The following PLEKHA8 variants were observed in gnomAD, a reference collection of about 807,000 sequenced individuals.
PLEKHA8 encodes the protein pleckstrin homology domain containing A8.
A neutral mutation model predicts 68.2 loss-of-function variants in PLEKHA8; 36 were observed. The ratio of observed to expected loss-of-function variants is 0.53; its 90% confidence interval spans 0.40 to 0.70. PLEKHA8 has a LOEUF of 0.70. Among genes scored for constraint, PLEKHA8 ranks in the 30% least tolerant of loss-of-function variants. The pLI is 0.00. For synonymous variants in PLEKHA8, 211 were observed against 216.1 expected (o/e 0.98, Z 0.20); for missense variants, 505 against 615.4 (o/e 0.82, Z 1.90).
rs768401517 is a variant in PLEKHA8, at chr7:30,061,985, A to G, written c.1187A>G (p.Gln396Arg). The change falls in exon 11 of 14, where the codon CAG becomes CGG. Residue 396 changes from glutamine to arginine, a missense_variant. Gln to Arg is a conservative substitution (Grantham distance 43). Coordinates refer to ENST00000449726, the MANE Select transcript of PLEKHA8 (RefSeq NM_001197026.2). Reference sequence around the variant, plus strand: ...CACGAAGTGGAGGCGGATGTAGCCCAGGTTAGGAACTCAGCGACTGAAGCC... The same window carrying G: ...CACGAAGTGGAGGCGGATGTAGCCCGGGTTAGGAACTCAGCGACTGAAGCC... ...VLHEVEADVA[Q>R]VRNSATEALL... is the part of the protein sequence containing the mutation. The G allele has an allele frequency of 2.7e-5, 44 of 1,614,030 alleles. No individual in the cohort carries two copies. The East Asian group carries it at 4.9e-4, about 18-fold the overall frequency.
intron 1 of PLEKHA8, among the ~76,000 whole-genome samples, chr7:30,043,564 T>TAA (rs1195544356): frequency 2.0e-5 from 3 of 152,174 alleles, no homozygotes; most frequent in Non-Finnish European, 2.9e-5. Context: ...TAGTTTTATT[T>TAA]AAAGAAGTAA....
At chr7:30,129,135 A>G (rs776976327) in intron 13 of PLEKHA8, 46 of 1,305,110 alleles carry the variant, frequency 3.5e-5, no homozygotes, top group Non-Finnish European at 5.1e-5. Flanking sequence ...ATTCTGGAAA[A>G]TATACCTTGC....
chr7:30,128,270 C>A (rs1345089351), intron 13 of PLEKHA8, among the ~76,000 whole-genome samples: 3 of 152,082 alleles, frequency 2.0e-5, no homozygotes, highest in African/African-American at 7.2e-5. Context: ...CCATGCCCAG[C>A]TAATTTTTTA....
At chr7:30,033,780 G>A (rs1044301214) in intron 1 of PLEKHA8, among the ~76,000 whole-genome samples, 2 of 152,068 alleles carry the variant, frequency 1.3e-5, no homozygotes, top group African/African-American at 4.8e-5. Flanking sequence ...AGTAATCAAA[G>A]AAGTTTCCGT....
chr7:30,078,873 C>G lies in PLEKHA8; in HGVS notation c.*86C>G. 6.7e-7 allele frequency: 1 copy of G among 1,487,944 alleles called. No homozygotes were observed. Among genetic ancestry groups the G allele is most frequent in the East Asian group, 2.4e-5 (1 of 41,982 alleles). The allele number at this position is 1,487,944 out of a possible 1,614,324, so 92.2% of individuals were successfully genotyped here. A position where few individuals can be genotyped will look rare whatever the true frequency, so the allele number is the denominator to read the frequency against. The stretch of plus-strand genomic sequence containing the variant: ...ACTTAATTTCCAGCAACAGCCTCAA[C>G]CCTCTCCAACCCCTTCACCTGGGGG... On this transcript the variant is annotated 3_prime_UTR_variant, in exon 14 of 14. Transcript: ENST00000449726.
intron 13 of PLEKHA8, chr7:30,074,985 T>C (rs1187360572): frequency 6.6e-6 from 1 of 152,164 alleles, no homozygotes; most frequent in Non-Finnish European, 1.5e-5. Flanking sequence ...AAAAGGTCAG[T>C]CTTAGTCAAA....
intron 9 of PLEKHA8, among the ~76,000 whole-genome samples, chr7:30,057,801 T>C (rs1187088231): frequency 2.0e-5 from 3 of 152,198 alleles, no homozygotes; most frequent in Non-Finnish European, 2.9e-5. Context: ...TAAACATTTT[T>C]GTGCCTATGG....
chr7:30,099,008 A>C (rs1414631035), intron 13 of PLEKHA8, among the ~76,000 whole-genome samples: 2 of 152,146 alleles, frequency 1.3e-5, no homozygotes, highest in Non-Finnish European at 2.9e-5. Flanking sequence ...CACCTGCCTC[A>C]GCCTCCCAAA....
chr7:30,028,946 G>C (rs898763487), intron 1 of PLEKHA8, 144 bp downstream of exon 1: 54 of 973,124 alleles, frequency 5.5e-5, no homozygotes, highest in Non-Finnish European at 6.5e-5. Flanking sequence ...TCCCAAAGCA[G>C]TTCTCTCACG....
chr7:30,031,668 G>T (rs62446672), intron 1 of PLEKHA8, among the ~76,000 whole-genome samples: 307 of 152,332 alleles, frequency 2.0e-3, no homozygotes, highest in Non-Finnish European at 2.8e-3. Context: ...AGAGAGAAAT[G>T]ATGAGATTGT....
Position 30,055,314 on chromosome 7 carries a change from A to G in PLEKHA8, c.1011A>G (p.Ala337=). ...DSGIPTEAFL[A]SCYAVVPVLD... is the part of the protein sequence containing the mutation. ...GCATTCCCACAGAAGCATTCTTGGC[A>G]TCATGTTATGCTGTGGTTCCAGTAT... Residue 337 remains alanine (A), a synonymous_variant, in exon 9 of 14, where the codon GCA becomes GCG. Transcript: ENST00000449726. 6.2e-7 allele frequency: 1 copy of G among 1,614,164 alleles called. No homozygotes were observed. Among genetic ancestry groups the G allele is most frequent in the East Asian group, 2.2e-5 (1 of 44,868 alleles).
At chr7:30,104,021 ATTAT>A (rs918259727) in intron 13 of PLEKHA8, among the ~76,000 whole-genome samples, 23 of 152,242 alleles carry the variant, frequency 1.5e-4, no homozygotes, top group African/African-American at 5.5e-4. Flanking sequence ...ACCAAAACAA[ATTAT>A]TTAAAAAATG....
chr7:30,109,613 AGAG>A lies in PLEKHA8; in HGVS notation c.1363-19652_1363-19650del, dbSNP rs149789711. Among the ~76,000 whole-genome samples, 34 of 100,124 alleles carry A rather than the reference AGAG, an allele frequency of 3.4e-4. 1 individual carries two copies. The highest frequency in any genetic ancestry group is 5.3e-3 in the Middle Eastern group (1 of 190). The allele number at this position is 100,124 out of a possible 152,430, so 65.7% of individuals were successfully genotyped here. On this transcript the variant is annotated intron_variant, in intron 13 of 13. Transcript: ENST00000396257. ...AAAAAAAAAAAAAAAAAAAAAAAAA[AGAG>A]AGAGAGATTAACATTGTGTAACTAC...
intron 13 of PLEKHA8, among the ~76,000 whole-genome samples, chr7:30,115,579 CGTAT>C (rs1309754693): frequency 2.3e-5 from 2 of 87,670 alleles, no homozygotes; most frequent in African/African-American, 6.2e-5. Flanking sequence ...TATACATGCA[CGTAT>C]ACATGTAGAC....
At chr7:30,041,647 A>G (rs977149724) in intron 1 of PLEKHA8, among the ~76,000 whole-genome samples, 1 of 152,090 alleles carries the variant, frequency 6.6e-6, no homozygotes, top group Non-Finnish European at 1.5e-5. Context: ...GTCCTGCCTC[A>G]GTCTCCTAAA....
At chr7:30,118,110 C>T in intron 13 of PLEKHA8, 2 of 1,257,806 alleles carry the variant, frequency 1.6e-6, no homozygotes, top group East Asian at 2.9e-5. Context: ...GGGGATCAGC[C>T]TGGACTAAAT....
downstream of PLEKHA8, chr7:30,129,476 T>C: frequency 2.6e-6 from 2 of 762,678 alleles, no homozygotes; most frequent in South Asian, 3.9e-5. Context: ...CAAGTCACTT[T>C]AGTCAAGATT....
intron 13 of PLEKHA8, among the ~76,000 whole-genome samples, chr7:30,106,077 G>A (rs369815868): frequency 9.6e-6 from 1 of 104,310 alleles, no homozygotes; most frequent in African/African-American, 3.7e-5. Context: ...TTTTCTTTTT[G>A]AGGTGGAGTC....
At chr7:30,119,570 T>C (rs1796662190) in intron 13 of PLEKHA8, among the ~76,000 whole-genome samples, 1 of 152,226 alleles carries the variant, frequency 6.6e-6, no homozygotes, top group African/African-American at 2.4e-5. Flanking sequence ...CTCCATTCAA[T>C]TGCAGCAGAA....
Sources: allele counts gnomAD v4.1 joint callset (sites outside exome capture counted in the v4.1 genomes callset), GRCh38; gene constraint gnomAD v4.1.1; transcripts MANE v1.5; gene names NCBI Gene and HGNC (gene_info 2026-07-23, HGNC 2026-07-21).